The following KCNAB1 variants were observed in gnomAD, a reference collection of about 807,000 sequenced individuals.
The protein encoded by KCNAB1 is potassium voltage-gated channel subfamily A regulatory beta subunit 1, also known as voltage-gated potassium channel subunit beta-1.
In KCNAB1, 35 loss-of-function variants were observed where a neutral mutation model predicts 64.6. That is an observed-to-expected ratio of 0.54 (90% confidence interval 0.41 to 0.72). The LOEUF (loss-of-function observed/expected upper bound fraction) is 0.72, where lower values mean the gene tolerates loss of function less well. KCNAB1 is among the 30% of genes least tolerant of loss of function. The pLI is 0.00. For synonymous variants in KCNAB1, 177 were observed against 183.8 expected, an observed-to-expected ratio of 0.96 and a Z score of 0.30; for missense variants, 401 against 512.9, an observed-to-expected ratio of 0.78 and a Z score of 2.11.
chr3:156,145,007 C>G (rs180971146), intron 1 of KCNAB1, among the ~76,000 whole-genome samples: 2 of 152,160 alleles, frequency 1.3e-5, no homozygotes, highest in Non-Finnish European at 2.9e-5. Flanking sequence ...TTGGAGCCCA[C>G]CTGCTTGAGG....
chr3:156,130,498 G>A (rs1264458814), intron 1 of KCNAB1, among the ~76,000 whole-genome samples: 5 of 152,140 alleles, frequency 3.3e-5, no homozygotes, highest in African/African-American at 1.2e-4. Flanking sequence ...TGCATGTGAT[G>A]CCTATTTTTA....
chr3:156,221,783 C>G (rs567398723), intron 1 of KCNAB1, among the ~76,000 whole-genome samples: 5 of 139,798 alleles, frequency 3.6e-5, no homozygotes, highest in East Asian at 2.4e-4. Flanking sequence ...CATCCCCCCC[C>G]GCCAAAAAAA....
At chr3:156,170,588 T>C (rs1711902945) in intron 1 of KCNAB1, among the ~76,000 whole-genome samples, 1 of 152,212 alleles carries the variant, frequency 6.6e-6, no homozygotes, top group Non-Finnish European at 1.5e-5. Flanking sequence ...GATCCAAACT[T>C]TGCCACCTGT....
intron 1 of KCNAB1, among the ~76,000 whole-genome samples, chr3:156,399,834 G>T (rs1056417200): frequency 5.9e-5 from 9 of 152,166 alleles, no homozygotes; most frequent in African/African-American, 2.2e-4. Context: ...TTGTAAAATA[G>T]CTTGCAATCA....
intron 1 of KCNAB1, among the ~76,000 whole-genome samples, chr3:156,290,273 C>T (rs557424262): frequency 6.6e-6 from 1 of 152,306 alleles, no homozygotes; most frequent in Admixed American, 6.5e-5. Flanking sequence ...GGGGACAGTG[C>T]TTCCTTTTTT....
At chr3:156,538,681 T>C (rs1719244872), downstream of KCNAB1, 1 of 152,242 alleles carries the variant, frequency 6.6e-6, no homozygotes, top group African/African-American at 2.4e-5. Context: ...ACATGTAAAA[T>C]ATATGTGGCC....
intron 1 of KCNAB1, among the ~76,000 whole-genome samples, chr3:156,331,665 A>G (rs1174502013): frequency 6.6e-6 from 1 of 152,078 alleles, no homozygotes; most frequent in Non-Finnish European, 1.5e-5. Flanking sequence ...AACCCTGATA[A>G]TAGCAGATAG....
intron 1 of KCNAB1, among the ~76,000 whole-genome samples, chr3:156,130,493 G>A (rs1481577093): frequency 1.3e-5 from 2 of 152,200 alleles, no homozygotes; most frequent in Admixed American, 6.5e-5. Context: ...CCATGTGCAT[G>A]TGATGCCTAT....
chr3:156,316,264 GT>G (rs1217662921), intron 1 of KCNAB1, among the ~76,000 whole-genome samples: 2 of 152,220 alleles, frequency 1.3e-5, no homozygotes, highest in Non-Finnish European at 2.9e-5. Context: ...CCAAGCAGTG[GT>G]AAAGTCAAGT....
intron 1 of KCNAB1, among the ~76,000 whole-genome samples, chr3:156,398,191 A>G (rs1207156730): frequency 1.3e-5 from 2 of 152,180 alleles, no homozygotes; most frequent in South Asian, 2.1e-4. Flanking sequence ...CAATGAGAAC[A>G]CATGGACACA....
At chr3:156,191,816 C>A (rs1713583571) in intron 1 of KCNAB1, among the ~76,000 whole-genome samples, 1 of 152,192 alleles carries the variant, frequency 6.6e-6, no homozygotes, top group South Asian at 2.1e-4. Context: ...AATGCTATCC[C>A]CATGAACAAA....
At chr3:156,152,952 T>A (rs572609596) in intron 1 of KCNAB1, among the ~76,000 whole-genome samples, 1 of 152,362 alleles carries the variant, frequency 6.6e-6, no homozygotes, top group South Asian at 2.1e-4. Context: ...ATTTTTCCTT[T>A]TGGCGCACTT....
intron 1 of KCNAB1, among the ~76,000 whole-genome samples, chr3:156,381,009 G>A (rs1576795967): frequency 6.6e-6 from 1 of 152,282 alleles, no homozygotes; most frequent in African/African-American, 2.4e-5. Context: ...AAATAAGGAT[G>A]TGAGGCGATG....
At chr3:156,399,738 T>C (rs1477386631) in intron 1 of KCNAB1, among the ~76,000 whole-genome samples, 1 of 152,166 alleles carries the variant, frequency 6.6e-6, no homozygotes, top group Non-Finnish European at 1.5e-5. Context: ...TTTGAAAGGG[T>C]AGACCACAAA....
chr3:156,324,378 A>G (rs1376052949), intron 1 of KCNAB1, among the ~76,000 whole-genome samples: 1 of 152,222 alleles, frequency 6.6e-6, no homozygotes, highest in Non-Finnish European at 1.5e-5. Context: ...AAGTGGTTTC[A>G]TTAAGACCTT....
intron 1 of KCNAB1, among the ~76,000 whole-genome samples, chr3:156,249,670 C>T (rs533687947): frequency 2.6e-5 from 4 of 152,106 alleles, no homozygotes; most frequent in Non-Finnish European, 5.9e-5. Flanking sequence ...CTATAAACCA[C>T]CCAGTTGCCT....
rs572971658 is a variant in KCNAB1, at chr3:156,460,125, T to C, written c.482+254T>C. On this transcript the variant is annotated intron_variant, in intron 5 of 13. Transcript: ENST00000490337. ...AGAAGGGGGGGATGTTCATGAAATA[T>C]TTGTGCATGAAAAAGTGACAATTTC... The C allele has an allele frequency of 4.0e-4, 167 of 419,576 alleles. 1 individual carries two copies. Among genetic ancestry groups the C allele is most frequent in the Non-Finnish European group, 3.5e-4 (82 of 237,322 alleles). 26.0% of individuals were successfully genotyped at this position (419,576 alleles called of 1,614,324 possible).
rs1454732186 is a variant in KCNAB1 at position 156,143,531 on chromosome 3, G to GA, written c.275+22650dup. On this transcript the variant is annotated intron_variant, in intron 1 of 13. Coordinates refer to ENST00000490337, the MANE Select transcript of KCNAB1 (RefSeq NM_172160.3). ...GACAAAACCCTGTAAGAAAAAGAAG[G>GA]AAAAATGCAGTGAGCCCTCTTCTTG... 8.1e-6 allele frequency: 5 copies of GA among 614,366 alleles called. No individual in the cohort carries two copies. The African/African-American group carries it at 1.0e-4, about 12-fold the overall frequency. The allele number at this position is 614,366 out of a possible 1,614,324, so 38.1% of individuals were successfully genotyped here.
intron 1 of KCNAB1, among the ~76,000 whole-genome samples, chr3:156,195,008 TCC>T (rs1438497070): frequency 6.6e-6 from 1 of 152,144 alleles, no homozygotes; most frequent in Non-Finnish European, 1.5e-5. Flanking sequence ...ATTGTTTAAC[TCC>T]CACTTGTGAG....
Sources: allele counts gnomAD v4.1 joint callset (sites outside exome capture counted in the v4.1 genomes callset), GRCh38; gene constraint gnomAD v4.1.1; transcripts MANE v1.5; gene names NCBI Gene and HGNC (gene_info 2026-07-23, HGNC 2026-07-21).